FOXP1: variants seen among roughly 807,000 people sequenced by gnomAD.
FOXP1 encodes forkhead box P1.
In FOXP1, 15 loss-of-function variants were observed where a neutral mutation model predicts 98.2. That is an observed-to-expected ratio of 0.15 (90% CI 0.10 to 0.24). FOXP1 has a LOEUF of 0.24. Ranked by LOEUF, FOXP1 falls within the 10% of genes least tolerant of loss-of-function variation. FOXP1 has a pLI of 1.00. For missense variants in FOXP1, 633 were observed against 848.5 expected, an observed-to-expected ratio of 0.75 and a Z score of 3.15; for synonymous variants, 371 against 314.5, an observed-to-expected ratio of 1.18 and a Z score of -1.90.
chr3:71,029,396 T>C (rs2046562438), intron 11 of FOXP1, among the ~76,000 whole-genome samples: 1 of 152,048 alleles, frequency 6.6e-6, no homozygotes, highest in Non-Finnish European at 1.5e-5. Context: ...TGCTCTTTTT[T>C]TTTTATTTTT....
intron 19 of FOXP1, chr3:70,969,475 T>TAAGACTATTCTGGGCCTGTAGGGTACA (rs1233053875): frequency 6.6e-6 from 1 of 152,190 alleles, no homozygotes; most frequent in East Asian, 1.9e-4. Flanking sequence ...CCAGGAGCCT[T>TAAGACTATTCTGGGCCTGTAGGGTACA]AAGACTATTC....
At chr3:71,122,492 G>C (rs1044531380) in intron 6 of FOXP1, among the ~76,000 whole-genome samples, 1 of 152,174 alleles carries the variant, frequency 6.6e-6, no homozygotes, top group African/African-American at 2.4e-5. Flanking sequence ...GAATAGCTAA[G>C]ATTGTATCTG....
intron 2 of FOXP1, among the ~76,000 whole-genome samples, chr3:71,522,679 C>T (rs1263794389): frequency 6.6e-6 from 1 of 152,184 alleles, no homozygotes; most frequent in Non-Finnish European, 1.5e-5. Context: ...TGGGCCAATG[C>T]CAGCCTCTGC....
In FOXP1 at chr3:71,496,961, A is replaced by AGTGTGTGTGTGTGTGTGTGTGT. The variant is rs148821144; in HGVS notation, c.-297-3428_-297-3407dup. On this transcript the variant is annotated intron_variant, in intron 2 of 20. Transcript: ENST00000649528. ...GTGAATCACCACTGTGGTGTGTGGA[A>AGTGTGTGTGTGTGTGTGTGTGT]GTGTGTGTGTGTGTGTGTGTGTGTT... Among the ~76,000 whole-genome samples the AGTGTGTGTGTGTGTGTGTGTGT allele has an allele frequency of 4.2e-3, 627 of 149,442 alleles. 3 individuals carry two copies. The highest frequency in any genetic ancestry group is 0.014 in the African/African-American group (572 of 40,626).
chr3:71,040,798 T>C (rs2048239850), intron 11 of FOXP1, among the ~76,000 whole-genome samples: 2 of 152,158 alleles, frequency 1.3e-5, no homozygotes, highest in Admixed American at 1.3e-4. Context: ...CCACTACCTC[T>C]TCTGTCTCTC....
chr3:71,452,272 A>G (rs534178519), intron 3 of FOXP1, among the ~76,000 whole-genome samples: 1 of 152,298 alleles, frequency 6.6e-6, no homozygotes, highest in East Asian at 1.9e-4. Context: ...GACTACAGAA[A>G]TTAGTCTCAA....
chr3:71,029,670 C>A (rs1034316606), intron 11 of FOXP1, among the ~76,000 whole-genome samples: 10 of 152,194 alleles, frequency 6.6e-5, no homozygotes, highest in African/African-American at 2.4e-4. Context: ...GGATTGTAGG[C>A]ATCAGCCACC....
At chr3:71,241,471 C>G (rs1037696112) in intron 5 of FOXP1, among the ~76,000 whole-genome samples, 3 of 152,152 alleles carry the variant, frequency 2.0e-5, no homozygotes, top group African/African-American at 7.2e-5. Context: ...GGTCTCCCCT[C>G]CACCCTCTAA....
chr3:71,118,563 G>GGGGTCTGA (rs1327832380), intron 6 of FOXP1, among the ~76,000 whole-genome samples: 1 of 152,126 alleles, frequency 6.6e-6, no homozygotes, highest in African/African-American at 2.4e-5. Context: ...ACTTGGTGAC[G>GGGGTCTGA]GGGTCTGAGA....
At chr3:71,051,928 T>C (rs538908991) in intron 9 of FOXP1, among the ~76,000 whole-genome samples, 2 of 152,202 alleles carry the variant, frequency 1.3e-5, no homozygotes, top group Non-Finnish European at 2.9e-5. Context: ...TATTATGATA[T>C]ACTTTTCTCC....
At chr3:71,168,240 T>C (rs1428684731) in intron 6 of FOXP1, among the ~76,000 whole-genome samples, 4 of 152,134 alleles carry the variant, frequency 2.6e-5, no homozygotes, top group African/African-American at 4.8e-5. Context: ...TAGAAACTGA[T>C]GTATGCATTA....
intron 11 of FOXP1, among the ~76,000 whole-genome samples, chr3:71,016,913 C>A (rs899445070): frequency 1.3e-5 from 2 of 151,874 alleles, no homozygotes; most frequent in African/African-American, 4.8e-5. Context: ...CATTACGTCT[C>A]CCTATGACTT....
chr3:71,495,784 G>C (rs137963579), intron 2 of FOXP1, among the ~76,000 whole-genome samples: 123 of 152,306 alleles, frequency 8.1e-4, no homozygotes, highest in African/African-American at 2.8e-3. Flanking sequence ...CTGAGTTTTT[G>C]TGATATACCC....
Position 71,047,057 on chromosome 3 carries a change from C to T in FOXP1, c.549G>A (p.Gln183=), listed in dbSNP as rs2106975960. 1 of 1,614,088 alleles carries T rather than the reference C, an allele frequency of 6.2e-7. No individual in the cohort carries two copies. The part of the protein sequence containing the change: ...QVATQQLAFQ[Q]QLLQMQQLQQ... ...GTAACTGCTGCATCTGTAAAAGCTG[C>T]TGCTGAAAAGCCAACTGCTGGGTAG... Residue 183 remains glutamine (Q), a synonymous_variant, in exon 10 of 21, where the codon CAG becomes CAA. Coordinates refer to ENST00000649528, the MANE Select transcript of FOXP1 (RefSeq NM_001349338.3).
chr3:71,213,940 C>T (rs2064708427), intron 5 of FOXP1, among the ~76,000 whole-genome samples: 1 of 152,178 alleles, frequency 6.6e-6, no homozygotes, highest in Non-Finnish European at 1.5e-5. Flanking sequence ...CAATCAGGTA[C>T]TACGATGATG....
intron 18 of FOXP1, chr3:70,972,244 AACAGACATCCAAT>A (rs1241737110): frequency 7.4e-7 from 1 of 1,352,510 alleles, no homozygotes; most frequent in Non-Finnish European, 9.9e-7. Flanking sequence ...TTGGGGGCAG[AACAGACATCCAAT>A]ACAGGGAACA....
At chr3:71,489,604 T>C (rs771442643) in intron 3 of FOXP1, among the ~76,000 whole-genome samples, 14 of 152,238 alleles carry the variant, frequency 9.2e-5, no homozygotes, top group Non-Finnish European at 1.9e-4. Flanking sequence ...ATGTGCATCC[T>C]ATAGGTACCA....
chr3:71,493,081 T>C (rs1206094153), intron 3 of FOXP1, among the ~76,000 whole-genome samples: 1 of 150,500 alleles, frequency 6.6e-6, no homozygotes, highest in East Asian at 1.9e-4. Flanking sequence ...GAAAAAATTG[T>C]TGTCTTATTT....
chr3:70,963,482 G>A (rs1186211973), intron 20 of FOXP1, among the ~76,000 whole-genome samples: 6 of 152,160 alleles, frequency 3.9e-5, no homozygotes, highest in African/African-American at 1.4e-4. Flanking sequence ...TACACTCACC[G>A]TGTCTCCTGG....
Sources: allele counts gnomAD v4.1 joint callset (sites outside exome capture counted in the v4.1 genomes callset), GRCh38; gene constraint gnomAD v4.1.1; transcripts MANE v1.5; gene names NCBI Gene and HGNC (gene_info 2026-07-23, HGNC 2026-07-21).